The following RCN3 variants were observed in gnomAD, a reference collection of about 807,000 sequenced individuals.
RCN3 encodes the protein reticulocalbin 3, also known as reticulocalbin-3.
Under a neutral mutation model 35.9 loss-of-function variants are expected in RCN3, and 41 were observed. That is an observed-to-expected ratio of 1.14 (90% CI 0.89 to 1.48). The LOEUF is 1.48. RCN3 is among the 40% of genes most tolerant of loss of function. RCN3 has a pLI of 0.00. For missense variants in RCN3, 451 were observed against 471.3 expected, an observed-to-expected ratio of 0.96 and a Z score of 0.40; for synonymous variants, 187 against 193.4, an observed-to-expected ratio of 0.97 and a Z score of 0.27.
At chr19:49,541,318 A>G (rs1168274915) in intron 5 of RCN3, among the ~76,000 whole-genome samples, 11 of 152,178 alleles carry the variant, frequency 7.2e-5, no homozygotes, top group Non-Finnish European at 2.9e-5. Context: ...TCCATTATAT[A>G]GATGACACCT....
intron 2 of RCN3, among the ~76,000 whole-genome samples, chr19:49,530,153 T>C (rs940141120): frequency 2.6e-5 from 4 of 151,624 alleles, no homozygotes; most frequent in Non-Finnish European, 4.4e-5. Flanking sequence ...CCAGCAAAGT[T>C]TTTTTTCTTT....
chr19:49,539,743 G>C (rs1005127229), intron 5 of RCN3, among the ~76,000 whole-genome samples: 1 of 41,012 alleles, frequency 2.4e-5, no homozygotes, highest in African/African-American at 9.3e-5. Flanking sequence ...TTTTTTTTTT[G>C]AGACAGTTTT....
At position 49,542,537 on chromosome 19, in the gene RCN3, C is replaced by T. The variant is rs532566979; in HGVS notation, c.680-16C>T. 6.4e-6 allele frequency: 10 copies of T among 1,564,100 alleles called. No individual in the cohort carries two copies. In the East Asian group the frequency reaches 2.1e-4, roughly 33 times the overall value. On this transcript the variant is annotated splice_polypyrimidine_tract_variant and intron_variant, in intron 5 of 6. Transcript: ENST00000270645. ...AGAGCTGCCCCTGACCTTGTCCCCTCTGTCCCGGCCCCCAGCGGATCTGTA... is the reference window on the plus strand; with the variant it reads ...AGAGCTGCCCCTGACCTTGTCCCCTTTGTCCCGGCCCCCAGCGGATCTGTA...
Position 49,542,534 on chromosome 19 carries a change from C to T in RCN3, c.680-19C>T, listed in dbSNP as rs1309639775. The T allele has an allele frequency of 3.2e-6, 5 of 1,559,326 alleles. No homozygotes were observed. Among genetic ancestry groups the T allele is most frequent in the Non-Finnish European group, 4.3e-6 (5 of 1,150,646 alleles). ...CCCAGAGCTGCCCCTGACCTTGTCC[C>T]CTCTGTCCCGGCCCCCAGCGGATCT... On this transcript the variant is annotated intron_variant, in intron 5 of 6. Coordinates refer to ENST00000270645, the MANE Select transcript of RCN3 (RefSeq NM_020650.3).
chr19:49,539,212 TG>T, intron 5 of RCN3, 33 bp downstream of exon 5: 2 of 1,574,320 alleles, frequency 1.3e-6, no homozygotes, highest in Non-Finnish European at 1.7e-6. Context: ...TTGGGATGCC[TG>T]TCCTCTCTCA....
rs373380360 is a variant in RCN3 at position 49,543,245 on chromosome 19, C to T, written c.*32C>T. On this transcript the variant is annotated 3_prime_UTR_variant, in exon 7 of 7. Transcript: ENST00000270645. Reference sequence around the variant, plus strand: ...CGCACCTGCCACAGCCTCAGAGGCCCGCACAATGACCGGAGGAGGGGCCGC... The same window carrying T: ...CGCACCTGCCACAGCCTCAGAGGCCTGCACAATGACCGGAGGAGGGGCCGC... 17 of 1,555,848 alleles carry T rather than the reference C, an allele frequency of 1.1e-5. No homozygotes were observed. The highest frequency in any genetic ancestry group is 6.8e-5 in the African/African-American group (5 of 73,478).
chr19:49,542,489 G>A, intron 5 of RCN3, 64 bp from the exon 6 acceptor site: 1 of 1,211,068 alleles, frequency 8.3e-7, no homozygotes, highest in Non-Finnish European at 1.2e-6. Flanking sequence ...GCCAGGATCA[G>A]CCCCCAGCTC....
rs1307307000 is a variant in RCN3, at chr19:49,542,721, A to G, written c.848A>G (p.Asn283Ser). ...PAQDQPLVEA[N>S]HLLHESDTDK... ...CAGGACCAGCCCCTGGTGGAAGCCA[A>G]CCACCTGCTGCACGAGAGCGACACG... is the stretch of plus-strand genomic sequence containing the variant. The change falls in exon 6 of 7, where the codon AAC (asparagine) becomes AGC (serine). Residue 283 changes from asparagine to serine, a missense_variant. Transcript: ENST00000270645. 1 of 1,593,922 alleles carries G rather than the reference A, an allele frequency of 6.3e-7. No homozygotes were observed. The highest frequency in any genetic ancestry group is 2.3e-5 in the East Asian group (1 of 44,178).
intron 3 of RCN3, 71 bp downstream of exon 3, chr19:49,534,466 G>A (rs1049230034): frequency 1.4e-6 from 2 of 1,469,224 alleles, no homozygotes; most frequent in African/African-American, 1.5e-5. Flanking sequence ...CTCATTCTGA[G>A]AACCCTGAAC....
chr19:49,532,663 C>G (rs548548946), intron 2 of RCN3, among the ~76,000 whole-genome samples: 125 of 151,356 alleles, frequency 8.3e-4, no homozygotes, highest in African/African-American at 2.8e-3. Context: ...CGTGAGCCAC[C>G]GTGCCCGGCC....
At chr19:49,528,738 C>T (rs2080094284) in intron 2 of RCN3, 24 bp downstream of exon 2, 4 of 1,545,408 alleles carry the variant, frequency 2.6e-6, no homozygotes, top group African/African-American at 1.4e-5. Flanking sequence ...TCGGTTGGGG[C>T]GTGTCCAGAG....
chr19:49,542,981 CAG>C, intron 6 of RCN3, 123 bp from the exon 7 acceptor site: 1 of 884,450 alleles, frequency 1.1e-6, no homozygotes, highest in East Asian at 2.6e-5. Flanking sequence ...GGGACAGATT[CAG>C]AGAGAAAGGG....
At chr19:49,542,366 A>C (rs149954081) in intron 5 of RCN3, among the ~76,000 whole-genome samples, 187 bp from the exon 6 acceptor site, 5 of 152,342 alleles carry the variant, frequency 3.3e-5, no homozygotes, top group African/African-American at 1.2e-4. Flanking sequence ...CTGTAACACA[A>C]ATGATTGCTT....
Position 49,539,175 on chromosome 19 carries a change from C to A in RCN3, c.675C>A (p.Tyr225Ter), listed in dbSNP as rs142641210. 6.2e-6 allele frequency: 10 copies of A among 1,610,196 alleles called. No individual in the cohort carries two copies. Among genetic ancestry groups the A allele is most frequent in the Admixed American group, 1.7e-5 (1 of 59,036 alleles). ...NKDGYVQVEE[Y>*]IADLYSAEPG... ...ATGGCTATGTCCAGGTGGAGGAGTA[C>A]ATCGGTGAGTGGGCCCCAATTTCTT... is the stretch of plus-strand genomic sequence containing the variant. Residue 225 changes from tyrosine to a stop codon, truncating the protein, a stop_gained, in exon 5 of 7, where the codon TAC becomes TAA. Transcript: ENST00000270645. LOFTEE classifies it high-confidence loss of function.
intron 2 of RCN3, among the ~76,000 whole-genome samples, chr19:49,529,183 A>AAACAAC (rs56212111): frequency 0.092 from 13,918 of 151,966 alleles, 764 homozygotes; most frequent in African/African-American, 0.15. Flanking sequence ...TCCGTCTAAA[A>AAACAAC]AACAACAACA....
intron 3 of RCN3, among the ~76,000 whole-genome samples, chr19:49,535,486 A>G (rs533437466): frequency 6.6e-6 from 1 of 152,254 alleles, no homozygotes; most frequent in African/African-American, 2.4e-5. Flanking sequence ...TGTGATGATT[A>G]AATGCAATAT....
intron 2 of RCN3, 21 bp from the exon 3 acceptor site, chr19:49,534,150 GGGGCGGGACCAGAGCCTGACGT>G: frequency 6.9e-7 from 1 of 1,446,798 alleles, no homozygotes; most frequent in Non-Finnish European, 9.1e-7. Flanking sequence ...GCGGGGCCTG[GGGGCGGGACCAGAGCCTGACGT>G]GTGCCCGCCC....
At chr19:49,533,689 C>G (rs529778788) in intron 2 of RCN3, among the ~76,000 whole-genome samples, 3 of 139,886 alleles carry the variant, frequency 2.1e-5, no homozygotes, top group Non-Finnish European at 4.6e-5. Context: ...GAAATTGACA[C>G]GCGCAGCCTG....
At chr19:49,537,807 AT>A (rs201495503) in intron 4 of RCN3, among the ~76,000 whole-genome samples, 15,246 of 143,704 alleles carry the variant, frequency 0.11, 997 homozygotes, top group African/African-American at 0.19. Context: ...CCAATTTTTA[AT>A]TTTTTTTTCT....
Sources: gnomAD v4.1 joint callset for allele counts (sites outside exome capture counted in the v4.1 genomes callset) on GRCh38, gnomAD v4.1.1 for gene constraint, MANE v1.5 for transcripts, NCBI Gene and HGNC (gene_info 2026-07-23, HGNC 2026-07-21) for gene names.